The following DGKB variants were observed in gnomAD, a reference collection of about 807,000 sequenced individuals.
The protein encoded by DGKB is diacylglycerol kinase beta.
Under a neutral mutation model 114.3 loss-of-function variants are expected in DGKB, and 67 were observed. The observed-to-expected ratio is 0.59, with a 90% CI of 0.48 to 0.72. The LOEUF is 0.72. Ranked by LOEUF, DGKB falls within the 30% of genes least tolerant of loss-of-function variation. The probability of loss-of-function intolerance (pLI) is 0.00; values close to 1 mark genes in which losing one functional copy is unlikely to be tolerated. For synonymous variants in DGKB, 398 were observed against 323.1 expected, an observed-to-expected ratio of 1.23 and a Z score of -2.49; for missense variants, 907 against 975.2, an observed-to-expected ratio of 0.93 and a Z score of 0.93.
chr7:14,805,831 A>G (rs1223691132), intron 2 of DGKB, among the ~76,000 whole-genome samples: 1 of 150,692 alleles, frequency 6.6e-6, no homozygotes, highest in African/African-American at 2.5e-5. Context: ...ATATAGAGTA[A>G]TTTTACCAAA....
At chr7:14,390,037 G>C (rs144460986) in intron 21 of DGKB, among the ~76,000 whole-genome samples, 5 of 152,190 alleles carry the variant, frequency 3.3e-5, no homozygotes, top group African/African-American at 1.2e-4. Flanking sequence ...GTTGGCAAAT[G>C]GCCTAAAAAC....
chr7:14,809,988 G>C (rs543031818), intron 2 of DGKB, among the ~76,000 whole-genome samples: 3 of 152,296 alleles, frequency 2.0e-5, no homozygotes, highest in African/African-American at 4.8e-5. Context: ...CACTAAATCT[G>C]ATGCACAAGC....
chr7:14,534,580 A>G (rs772592414), intron 20 of DGKB, among the ~76,000 whole-genome samples: 4 of 152,120 alleles, frequency 2.6e-5, no homozygotes, highest in Non-Finnish European at 4.4e-5. Context: ...GATTCTCTCT[A>G]TAAGAGACTC....
chr7:14,576,155 G>C (rs1049841591), intron 19 of DGKB, among the ~76,000 whole-genome samples: 2 of 152,042 alleles, frequency 1.3e-5, no homozygotes, highest in African/African-American at 4.8e-5. Context: ...TATGGCCATA[G>C]ACTAAATACT....
At chr7:14,553,704 AC>A (rs996634299) in intron 20 of DGKB, among the ~76,000 whole-genome samples, 17 of 152,222 alleles carry the variant, frequency 1.1e-4, no homozygotes, top group African/African-American at 4.1e-4. Flanking sequence ...ATGCTATGAA[AC>A]TTTAAAGATT....
chr7:14,843,960 C>T (rs1025206498), intron 1 of DGKB, among the ~76,000 whole-genome samples: 2 of 152,164 alleles, frequency 1.3e-5, no homozygotes, highest in African/African-American at 4.8e-5. Flanking sequence ...ATAGTCTCCC[C>T]TTTTGACAAA....
At chr7:14,287,977 G>A (rs1801139943) in intron 23 of DGKB, among the ~76,000 whole-genome samples, 1 of 152,084 alleles carries the variant, frequency 6.6e-6, no homozygotes, top group Admixed American at 6.6e-5. Flanking sequence ...ACCATATAAT[G>A]GAGAGGAATG....
At chr7:14,244,409 C>G (rs774379406) in intron 23 of DGKB, among the ~76,000 whole-genome samples, 4 of 152,018 alleles carry the variant, frequency 2.6e-5, no homozygotes, top group Non-Finnish European at 4.4e-5. Flanking sequence ...GTAATCCCAG[C>G]ACTTTGGGAG....
chr7:14,230,566 T>C (rs1791556981), intron 23 of DGKB, among the ~76,000 whole-genome samples: 1 of 152,020 alleles, frequency 6.6e-6, no homozygotes, highest in African/African-American at 2.4e-5. Flanking sequence ...ATAACTAAAC[T>C]CTTTCAAGTG....
chr7:14,198,630 G>A (rs1201847257), intron 23 of DGKB, among the ~76,000 whole-genome samples: 1 of 152,030 alleles, frequency 6.6e-6, no homozygotes, highest in Non-Finnish European at 1.5e-5. Flanking sequence ...GCTAAAAAAT[G>A]AAGCTCTTAT....
chr7:14,936,359 G>A (rs990741589), intron 1 of DGKB, among the ~76,000 whole-genome samples: 5 of 152,098 alleles, frequency 3.3e-5, no homozygotes, highest in African/African-American at 1.2e-4. Context: ...TTACTTTTTG[G>A]AAACTAACAT....
At chr7:14,618,625 C>G (rs1807012016) in intron 15 of DGKB, among the ~76,000 whole-genome samples, 1 of 151,526 alleles carries the variant, frequency 6.6e-6, no homozygotes, top group African/African-American at 2.4e-5. Context: ...TGAGCGATGA[C>G]AAAGACAGAG....
intron 20 of DGKB, among the ~76,000 whole-genome samples, chr7:14,498,567 G>A (rs1408165498): frequency 6.6e-6 from 1 of 151,712 alleles, no homozygotes; most frequent in Non-Finnish European, 1.5e-5. Flanking sequence ...TCGATTTTAT[G>A]ATTAATCATC....
intron 2 of DGKB, among the ~76,000 whole-genome samples, chr7:14,828,961 A>G (rs1048082853): frequency 1.3e-5 from 2 of 152,228 alleles, no homozygotes; most frequent in South Asian, 2.1e-4. Context: ...TTGCAACCAG[A>G]CTAATGTTGC....
intron 18 of DGKB, among the ~76,000 whole-genome samples, chr7:14,581,850 G>C (rs1419593333): frequency 6.6e-6 from 1 of 152,088 alleles, no homozygotes; most frequent in Non-Finnish European, 1.5e-5. Context: ...TACTTTTCCA[G>C]CTAACTCATT....
chr7:14,829,771 T>C (rs1846168375), intron 2 of DGKB, among the ~76,000 whole-genome samples: 1 of 152,146 alleles, frequency 6.6e-6, no homozygotes, highest in Non-Finnish European at 1.5e-5. Flanking sequence ...AAAAAATCCT[T>C]CAAGATGCCT....
Position 14,687,471 on chromosome 7 carries a change from G to A in DGKB, c.712-2109C>T, listed in dbSNP as rs180950966. On this transcript the variant is annotated intron_variant, in intron 9 of 25. Coordinates refer to ENST00000402815, the MANE Select transcript of DGKB (RefSeq NM_001350709.2). ...TTTCTGAATTTCCTATTTTGGTTTCGGTGAGTCATAGATTTCTAGTAGCTT... is the reference window on the plus strand; with the variant it reads ...TTTCTGAATTTCCTATTTTGGTTTCAGTGAGTCATAGATTTCTAGTAGCTT... Among the ~76,000 whole-genome samples, 5 of 151,984 alleles carry A rather than the reference G, an allele frequency of 3.3e-5. No homozygotes were observed. The East Asian group carries it at 9.6e-4, about 29-fold the overall frequency.
At chr7:14,692,352 G>A (rs1325022029) in intron 9 of DGKB, among the ~76,000 whole-genome samples, 1 of 151,864 alleles carries the variant, frequency 6.6e-6, no homozygotes, top group Non-Finnish European at 1.5e-5. Flanking sequence ...AATATACAAA[G>A]TTTAGCTTTA....
chr7:14,605,808 G>A (rs964758000), intron 17 of DGKB, among the ~76,000 whole-genome samples: 3 of 151,960 alleles, frequency 2.0e-5, no homozygotes, highest in Admixed American at 6.6e-5. Context: ...CAAATAATAC[G>A]GATAATAAAC....
Sources: gnomAD v4.1 joint callset for allele counts (sites outside exome capture counted in the v4.1 genomes callset) on GRCh38, gnomAD v4.1.1 for gene constraint, MANE v1.5 for transcripts, NCBI Gene and HGNC (gene_info 2026-07-23, HGNC 2026-07-21) for gene names.